Variants in HS6ST3 observed in about 807,000 individuals in gnomAD.
The protein encoded by HS6ST3 is heparan sulfate 6-O-sulfotransferase 3, also known as heparan-sulfate 6-O-sulfotransferase 3.
In HS6ST3, 12 loss-of-function variants were observed where a neutral mutation model predicts 36.7. That is an observed-to-expected ratio of 0.33 (90% confidence interval 0.21 to 0.53). HS6ST3 has a LOEUF of 0.53. HS6ST3 is among the 20% of genes least tolerant of loss of function. The pLI is 0.95. For synonymous variants in HS6ST3, 240 were observed against 257.5 expected (o/e 0.93, Z 0.65); for missense variants, 584 against 640.9 (o/e 0.91, Z 0.96).
At chr13:96,799,984 A>ATATATATT (rs1878018157) in intron 1 of HS6ST3, among the ~76,000 whole-genome samples, 1 of 92,474 alleles carries the variant, frequency 1.1e-5, no homozygotes, top group African/African-American at 6.3e-5. Flanking sequence ...ATATATATGT[A>ATATATATT]TATATATATA....
At chr13:96,206,218 A>G (rs2054369611) in intron 1 of HS6ST3, among the ~76,000 whole-genome samples, 2 of 152,148 alleles carry the variant, frequency 1.3e-5, no homozygotes, top group African/African-American at 2.4e-5. Context: ...CACAATTACC[A>G]TGAAGAGAAT....
At chr13:96,406,926 A>G (rs926586605) in intron 1 of HS6ST3, among the ~76,000 whole-genome samples, 33 of 152,302 alleles carry the variant, frequency 2.2e-4, no homozygotes, top group African/African-American at 7.5e-4. Context: ...TTTTGTAGAC[A>G]AGATACATAT....
chr13:96,780,593 C>T (rs1877501864), intron 1 of HS6ST3, among the ~76,000 whole-genome samples: 1 of 152,070 alleles, frequency 6.6e-6, no homozygotes, highest in Admixed American at 6.5e-5. Context: ...CTCATGTACC[C>T]TCAAATATTT....
At chr13:96,409,782 GAC>G in intron 1 of HS6ST3, among the ~76,000 whole-genome samples, 1 of 152,022 alleles carries the variant, frequency 6.6e-6, no homozygotes, top group Non-Finnish European at 1.5e-5. Context: ...CTAATTCAAG[GAC>G]ACAAAATCTG....
intron 1 of HS6ST3, among the ~76,000 whole-genome samples, chr13:96,145,873 G>A (rs1009143602): frequency 4.6e-5 from 7 of 152,122 alleles, no homozygotes; most frequent in African/African-American, 1.7e-4. Context: ...TCTACATATG[G>A]CTAGCCAGTT....
chr13:96,762,805 C>T (rs1456672955), intron 1 of HS6ST3, among the ~76,000 whole-genome samples: 2 of 152,172 alleles, frequency 1.3e-5, no homozygotes, highest in Admixed American at 1.3e-4. Context: ...AGATAATTAG[C>T]AGTTACTAAA....
intron 1 of HS6ST3, among the ~76,000 whole-genome samples, chr13:96,801,330 C>T (rs1161646962): frequency 1.3e-5 from 2 of 152,114 alleles, no homozygotes; most frequent in African/African-American, 4.8e-5. Flanking sequence ...GATAAAAATA[C>T]TCTTATTTTT....
intron 1 of HS6ST3, among the ~76,000 whole-genome samples, chr13:96,536,057 T>C (rs2138938468): frequency 6.6e-6 from 1 of 152,324 alleles, no homozygotes; most frequent in South Asian, 2.1e-4. Flanking sequence ...ATCAAGCACA[T>C]TTTAACTCCC....
intron 1 of HS6ST3, among the ~76,000 whole-genome samples, chr13:96,688,815 G>A (rs1874857857): frequency 2.0e-5 from 3 of 152,038 alleles, no homozygotes; most frequent in Non-Finnish European, 4.4e-5. Context: ...TGTGGTTAGA[G>A]TACACCGTGC....
At chr13:96,325,399 G>C (rs2055025475) in intron 1 of HS6ST3, among the ~76,000 whole-genome samples, 1 of 151,672 alleles carries the variant, frequency 6.6e-6, no homozygotes, top group Non-Finnish European at 1.5e-5. Flanking sequence ...CCAAAACTCA[G>C]ACCAAAAATA....
At chr13:96,548,271 C>A (rs1018416166) in intron 1 of HS6ST3, among the ~76,000 whole-genome samples, 3 of 152,112 alleles carry the variant, frequency 2.0e-5, no homozygotes, top group South Asian at 2.1e-4. Flanking sequence ...ACGTCACATC[C>A]AGACGCACCT....
intron 1 of HS6ST3, among the ~76,000 whole-genome samples, chr13:96,313,994 A>T (rs1343260044): frequency 6.6e-6 from 1 of 152,190 alleles, no homozygotes; most frequent in East Asian, 1.9e-4. Context: ...TGAGGTCAAG[A>T]GTTCAAGACC....
intron 1 of HS6ST3, among the ~76,000 whole-genome samples, chr13:96,609,563 A>G (rs2056450345): frequency 2.6e-5 from 4 of 152,132 alleles, no homozygotes; most frequent in Admixed American, 2.6e-4. Context: ...TGTCTGATAT[A>G]TATCTTATTG....
At chr13:96,645,465 G>C (rs1436968333) in intron 1 of HS6ST3, among the ~76,000 whole-genome samples, 1 of 150,654 alleles carries the variant, frequency 6.6e-6, no homozygotes, top group Non-Finnish European at 1.5e-5. Flanking sequence ...CTTTTATCTA[G>C]TATCTGTTCC....
At chr13:96,669,593 A>G (rs756438138) in intron 1 of HS6ST3, among the ~76,000 whole-genome samples, 1 of 152,108 alleles carries the variant, frequency 6.6e-6, no homozygotes, top group African/African-American at 2.4e-5. Context: ...GGGCATATGC[A>G]TGGTTTGGTG....
intron 1 of HS6ST3, among the ~76,000 whole-genome samples, chr13:96,397,771 A>G (rs530878192): frequency 1.5e-4 from 23 of 152,370 alleles, no homozygotes; most frequent in Non-Finnish European, 3.2e-4. Context: ...TTACAACAGA[A>G]CAGCAACGAT....
intron 1 of HS6ST3, among the ~76,000 whole-genome samples, chr13:96,717,846 C>G (rs1441398297): frequency 6.6e-6 from 1 of 152,144 alleles, no homozygotes; most frequent in Non-Finnish European, 1.5e-5. Context: ...AGCAGTTGCA[C>G]ATATGTGTGG....
At position 96,838,088 on chromosome 13, in the gene HS6ST3, T is replaced by C. The variant is rs1055965920; in HGVS notation, c.*4890T>C. On this transcript the variant is annotated 3_prime_UTR_variant, in exon 2 of 2. Coordinates refer to ENST00000376705, the MANE Select transcript of HS6ST3 (RefSeq NM_153456.4). ...TCTGAGGTCCTGTATAGTGGGATCA[T>C]TTAGAGATGGGGGTTAGGGAGAGTA... 2 of 152,130 alleles carry C rather than the reference T, an allele frequency of 1.3e-5. No homozygotes were observed. Among genetic ancestry groups the C allele is most frequent in the Non-Finnish European group, 2.9e-5 (2 of 68,034 alleles). 9.4% of individuals were successfully genotyped at this position (152,130 alleles called of 1,614,324 possible).
chr13:96,697,973 T>G (rs1875177315), intron 1 of HS6ST3, among the ~76,000 whole-genome samples: 2 of 152,310 alleles, frequency 1.3e-5, no homozygotes, highest in South Asian at 2.1e-4. Context: ...CTTTGAAGTG[T>G]TTTCATATTA....
Sources: gnomAD v4.1 joint callset for allele counts (sites outside exome capture counted in the v4.1 genomes callset) on GRCh38, gnomAD v4.1.1 for gene constraint, MANE v1.5 for transcripts, NCBI Gene and HGNC (gene_info 2026-07-23, HGNC 2026-07-21) for gene names.